Variants in ASPG observed in about 807,000 individuals in gnomAD.
ASPG encodes asparaginase, also known as 60 kDa lysophospholipase.
In ASPG, 53 loss-of-function variants were observed where a neutral mutation model predicts 63.2. The observed-to-expected ratio is 0.84, with a 90% CI of 0.67 to 1.05. The LOEUF (loss-of-function observed/expected upper bound fraction) is 1.05, where lower values mean the gene tolerates loss of function less well. Among genes scored for constraint, ASPG ranks in the 50% least tolerant of loss-of-function variants. The pLI, the probability that ASPG is intolerant of heterozygous loss-of-function variation, is 0.00. For missense variants in ASPG, 741 were observed against 794.4 expected (o/e 0.93, Z 0.81); for synonymous variants, 370 against 355.0 (o/e 1.04, Z -0.48).
At chr14:104,092,450 A>G (rs2036396008) in intron 1 of ASPG, among the ~76,000 whole-genome samples, 183 bp from the exon 2 acceptor site, 1 of 152,136 alleles carries the variant, frequency 6.6e-6, no homozygotes, top group Non-Finnish European at 1.5e-5. Flanking sequence ...TGGCTTCCAA[A>G]CGCGGGTCAG....
At chr14:104,086,672 G>T (rs1596057147) in intron 1 of ASPG, among the ~76,000 whole-genome samples, 1 of 152,222 alleles carries the variant, frequency 6.6e-6, no homozygotes. Context: ...GGGCTCTGCT[G>T]TGATGTGGGG....
chr14:104,095,317 G>A (rs533831774), intron 3 of ASPG, among the ~76,000 whole-genome samples: 14 of 152,296 alleles, frequency 9.2e-5, no homozygotes, highest in East Asian at 1.9e-4. Flanking sequence ...GGGTGCACCC[G>A]AGTGGCATGG....
chr14:104,100,072 G>A (rs951317845), intron 6 of ASPG, among the ~76,000 whole-genome samples: 2 of 152,174 alleles, frequency 1.3e-5, no homozygotes, highest in Admixed American at 6.5e-5. Context: ...GGAATCTCCC[G>A]GTGCGGCAGA....
intron 5 of ASPG, among the ~76,000 whole-genome samples, chr14:104,098,493 G>A (rs1033809886): frequency 1.3e-5 from 2 of 152,190 alleles, no homozygotes; most frequent in African/African-American, 4.8e-5. Context: ...AGCTGTGCTC[G>A]CTGCACCTTT....
At chr14:104,103,742 C>A in intron 7 of ASPG, 67 bp downstream of exon 7, 1 of 1,383,192 alleles carries the variant, frequency 7.2e-7, no homozygotes, top group African/African-American at 1.4e-5. Context: ...CTCCCACGGC[C>A]CTCAGGCTCC....
rs1301053246 is a variant in ASPG, at chr14:104,114,206, C to G, written c.*1662C>G. On this transcript the variant is annotated 3_prime_UTR_variant, in exon 16 of 16. Coordinates refer to ENST00000551177, the MANE Select transcript of ASPG (RefSeq NM_001080464.3). ...AGCACCCTCCCAGAGCAGGTGCCAA[C>G]CTGCCAGTGTAGACACACCGACTGA... The G allele has an allele frequency of 6.6e-6, 1 of 152,360 alleles. No individual in the cohort carries two copies. The highest frequency in any genetic ancestry group is 2.4e-5 in the African/African-American group (1 of 41,482). The allele number at this position is 152,360 out of a possible 1,614,324, so 9.4% of individuals were successfully genotyped here.
Position 104,107,308 on chromosome 14 carries a change from G to A in ASPG, c.1396G>A (p.Asp466Asn). The stretch of plus-strand genomic sequence containing the variant: ...TGTGGACGTGAACACCCGGGACACG[G>A]ATGGCTTCAGCCCGCTGCTGCTGGC... Reference protein sequence around the residue: ...RGVDVNTRDTDGFSPLLLAVR... With the variant: ...RGVDVNTRDTNGFSPLLLAVR... The change falls in exon 12 of 16, where the codon GAT becomes AAT. Residue 466 changes from aspartate to asparagine, a missense_variant. Physicochemically the swap from Asp to Asn is conservative, Grantham distance 23. Transcript: ENST00000551177. The A allele has an allele frequency of 6.2e-7, 1 of 1,602,378 alleles. No homozygotes were observed. Among genetic ancestry groups the A allele is most frequent in the Non-Finnish European group, 8.5e-7 (1 of 1,173,408 alleles).
chr14:104,090,864 T>C (rs1414317980), intron 1 of ASPG, among the ~76,000 whole-genome samples: 2 of 152,168 alleles, frequency 1.3e-5, no homozygotes, highest in Admixed American at 1.3e-4. Flanking sequence ...TTTTTAATTT[T>C]TATGTATTTA....
At chr14:104,105,089 C>A (rs1431734554) in intron 9 of ASPG, 1 of 626,344 alleles carries the variant, frequency 1.6e-6, no homozygotes, top group Admixed American at 3.0e-5. Flanking sequence ...GGTTGCCAGC[C>A]TCTGGGGCTG....
At chr14:104,092,559 G>C (rs1238909200) in intron 1 of ASPG, 74 bp from the exon 2 acceptor site, 12 of 1,228,352 alleles carry the variant, frequency 9.8e-6, no homozygotes, top group Non-Finnish European at 1.0e-5. Context: ...CTCTGGTCCT[G>C]CCCCTCAGTG....
intron 7 of ASPG, among the ~76,000 whole-genome samples, chr14:104,104,096 C>CG (rs2037006018): frequency 6.6e-6 from 1 of 152,226 alleles, no homozygotes; most frequent in Non-Finnish European, 1.5e-5. Flanking sequence ...ACAGACAGGG[C>CG]GACCCTTTGG....
Position 104,111,961 on chromosome 14 carries a change from G to A in ASPG, c.1662G>A (p.Gln554=). ...ACCTGGCAGTGGTGGCCTTTCTACA[G>A]AGCCTGGAGGGTGCGGTTGGTGCCC... ...AGNLAVVAFL[Q]SLEGAVGAQA... The change falls in exon 15 of 16, where the codon CAG becomes CAA. Residue 554 remains glutamine, a synonymous_variant. Transcript: ENST00000551177. The A allele has an allele frequency of 6.4e-7, 1 of 1,558,258 alleles. No individual in the cohort carries two copies. The highest frequency in any genetic ancestry group is 1.4e-5 in the African/African-American group (1 of 73,402).
At chr14:104,092,039 C>T (rs1272165509) in intron 1 of ASPG, among the ~76,000 whole-genome samples, 1 of 151,902 alleles carries the variant, frequency 6.6e-6, no homozygotes, top group African/African-American at 2.4e-5. Flanking sequence ...CCCTCCAGGT[C>T]GGGGAGCTGG....
rs976930486 is a variant in ASPG, at chr14:104,112,842, C to G, written c.*298C>G. On this transcript the variant is annotated 3_prime_UTR_variant, in exon 16 of 16. Coordinates refer to ENST00000551177, the MANE Select transcript of ASPG (RefSeq NM_001080464.3). Reference sequence around the variant, plus strand: ...GCCCATCCTTCCGGGGGCAGCTGTGCGTGTGAGCTGGGCAGGGTGGGGTGC... The same window carrying G: ...GCCCATCCTTCCGGGGGCAGCTGTGGGTGTGAGCTGGGCAGGGTGGGGTGC... The G allele has an allele frequency of 5.9e-6, 3 of 504,330 alleles. No individual in the cohort carries two copies. The highest frequency in any genetic ancestry group is 1.1e-5 in the Non-Finnish European group (3 of 282,772). 31.2% of individuals were successfully genotyped at this position (504,330 alleles called of 1,614,324 possible). A position where few individuals can be genotyped will look rare whatever the true frequency, so the allele number is the denominator to read the frequency against.
intron 1 of ASPG, among the ~76,000 whole-genome samples, chr14:104,089,359 C>CA (rs113198487): frequency 0.11 from 16,185 of 148,412 alleles, 1,091 homozygotes; most frequent in African/African-American, 0.19. Flanking sequence ...ACTAAAAATA[C>CA]AAAAAAAAAA....
chr14:104,087,036 C>T (rs962969304), intron 1 of ASPG, among the ~76,000 whole-genome samples: 5 of 146,684 alleles, frequency 3.4e-5, no homozygotes, highest in Non-Finnish European at 7.4e-5. Flanking sequence ...GCTGAAGTGG[C>T]TGCTCAGAAG....
At chr14:104,099,210 G>A (rs1018983548) in intron 6 of ASPG, among the ~76,000 whole-genome samples, 8 of 152,218 alleles carry the variant, frequency 5.3e-5, no homozygotes, top group Non-Finnish European at 1.0e-4. Flanking sequence ...AGGCTCAGAG[G>A]CGGGAGGCCT....
chr14:104,110,486 T>G lies in ASPG; in HGVS notation c.1521-1016T>G, dbSNP rs1209062877. The G allele has an allele frequency of 1.0e-6, 1 of 985,084 alleles. No individual in the cohort carries two copies. The highest frequency in any genetic ancestry group is 1.2e-6 in the Non-Finnish European group (1 of 829,836). 61.0% of individuals were successfully genotyped at this position (985,084 alleles called of 1,614,324 possible). The stretch of plus-strand genomic sequence containing the variant: ...GTGGGAGCTGGGACCAGAACCCTGG[T>G]CCAGGACTCTGCTTGGAAGTGGCCT... On this transcript the variant is annotated intron_variant, in intron 13 of 15. Transcript: ENST00000551177. This position sits in a 1 kb window ranked among gnomAD's most constrained non-coding sequence, Gnocchi z 4.7.
Position 104,096,333 on chromosome 14 carries a change from G to A in ASPG, c.429+677G>A, listed in dbSNP as rs958982178. On this transcript the variant is annotated intron_variant, in intron 4 of 15. Transcript: ENST00000551177. ...AGGCTAAGGTCTTGTATGGGAAACC[G>A]GTACCTGTGTCCCTTTGAGCTTGGT... Among the ~76,000 whole-genome samples, 6 of 152,294 alleles carry A rather than the reference G, an allele frequency of 3.9e-5. No homozygotes were observed. The East Asian group carries it at 5.8e-4, about 15-fold the overall frequency.
Sources: allele counts gnomAD v4.1 joint callset (sites outside exome capture counted in the v4.1 genomes callset), GRCh38; gene constraint gnomAD v4.1.1; non-coding constraint Gnocchi (gnomAD v3.1); transcripts MANE v1.5; gene names NCBI Gene and HGNC (gene_info 2026-07-23, HGNC 2026-07-21).